The following TNFRSF21 variants were observed in gnomAD, a reference collection of about 807,000 sequenced individuals.
The protein encoded by TNFRSF21 is tumor necrosis factor receptor superfamily member 21.
TNFRSF21 carries 19 observed loss-of-function variants against 45.6 expected under a neutral mutation model. That is an observed-to-expected ratio of 0.42 (90% confidence interval 0.29 to 0.61). The LOEUF (loss-of-function observed/expected upper bound fraction) is 0.61. Among genes scored for constraint, TNFRSF21 ranks in the 20% least tolerant of loss-of-function variants. The probability of loss-of-function intolerance (pLI) is 0.23; values close to 1 mark genes in which losing one functional copy is unlikely to be tolerated. For synonymous variants in TNFRSF21, 314 were observed against 335.5 expected, an observed-to-expected ratio of 0.94 and a Z score of 0.70; for missense variants, 737 against 851.5, an observed-to-expected ratio of 0.87 and a Z score of 1.67.
chr6:47,277,652 A>G (rs1762516797), intron 3 of TNFRSF21, among the ~76,000 whole-genome samples: 1 of 152,228 alleles, frequency 6.6e-6, no homozygotes, highest in African/African-American at 2.4e-5. Flanking sequence ...AAGCAAAGGG[A>G]AACCAGACTC....
intron 1 of TNFRSF21, among the ~76,000 whole-genome samples, chr6:47,297,777 C>T (rs1762811785): frequency 6.6e-6 from 1 of 152,138 alleles, no homozygotes. Context: ...CCTGCCTCGG[C>T]CTCCCAAAAT....
intron 1 of TNFRSF21, among the ~76,000 whole-genome samples, chr6:47,290,771 G>A (rs1032591506): frequency 5.9e-5 from 9 of 152,184 alleles, no homozygotes; most frequent in African/African-American, 1.9e-4. Context: ...GTCGGGCCCA[G>A]GCTGAACACT....
intron 3 of TNFRSF21, among the ~76,000 whole-genome samples, chr6:47,283,659 TCAAA>T (rs1762600674): frequency 6.6e-6 from 1 of 152,150 alleles, no homozygotes; most frequent in Admixed American, 6.5e-5. Flanking sequence ...AATGACAAGG[TCAAA>T]CAAAGTCCCT....
intron 4 of TNFRSF21, among the ~76,000 whole-genome samples, chr6:47,245,950 C>T (rs750419319): frequency 1.3e-5 from 2 of 152,172 alleles, no homozygotes; most frequent in Non-Finnish European, 2.9e-5. Flanking sequence ...GTGCCACATG[C>T]TTTCACACAA....
chr6:47,233,219 T>C (rs1263596476), intron 5 of TNFRSF21, among the ~76,000 whole-genome samples: 1 of 152,264 alleles, frequency 6.6e-6, no homozygotes, highest in African/African-American at 2.4e-5. Context: ...AAGATTTGCC[T>C]GGTAGAGATC....
chr6:47,280,720 G>A (rs1317315602), intron 3 of TNFRSF21, among the ~76,000 whole-genome samples: 2 of 152,106 alleles, frequency 1.3e-5, no homozygotes, highest in Admixed American at 6.5e-5. Flanking sequence ...AGGTTACCAT[G>A]GTCATAAGAA....
intron 1 of TNFRSF21, among the ~76,000 whole-genome samples, chr6:47,299,917 G>C (rs1004768367): frequency 2.6e-5 from 4 of 152,180 alleles, no homozygotes; most frequent in Non-Finnish European, 4.4e-5. Flanking sequence ...TGCAGCAAAA[G>C]CCATAAAACT....
At chr6:47,284,652 C>T (rs998525584) in intron 2 of TNFRSF21, among the ~76,000 whole-genome samples, 3 of 152,190 alleles carry the variant, frequency 2.0e-5, no homozygotes, top group African/African-American at 7.2e-5. Context: ...CACATTCTTA[C>T]ACCAAAACCA....
chr6:47,277,057 G>A (rs950413526), intron 3 of TNFRSF21, among the ~76,000 whole-genome samples: 8 of 152,204 alleles, frequency 5.3e-5, no homozygotes, highest in East Asian at 1.9e-4. Context: ...ACAGTGGCAC[G>A]ATCTTGGCTC....
intron 3 of TNFRSF21, among the ~76,000 whole-genome samples, chr6:47,272,598 T>C (rs1010424411): frequency 2.0e-4 from 31 of 151,766 alleles, no homozygotes; most frequent in Admixed American, 5.9e-4. Flanking sequence ...ACATCACAAT[T>C]AAAAGAACTA....
chr6:47,287,541 T>C (rs1245534067), intron 1 of TNFRSF21, among the ~76,000 whole-genome samples: 1 of 152,124 alleles, frequency 6.6e-6, no homozygotes, highest in Non-Finnish European at 1.5e-5. Context: ...TGTAAAATAC[T>C]TTGTTTAGCT....
intron 1 of TNFRSF21, among the ~76,000 whole-genome samples, chr6:47,301,861 C>A (rs989262368): frequency 2.6e-5 from 4 of 152,138 alleles, no homozygotes; most frequent in African/African-American, 9.7e-5. Flanking sequence ...TTGGGTATTC[C>A]TTTATAGCAT....
At chr6:47,282,687 A>T (rs929392508) in intron 3 of TNFRSF21, among the ~76,000 whole-genome samples, 1 of 152,216 alleles carries the variant, frequency 6.6e-6, no homozygotes, top group Non-Finnish European at 1.5e-5. Flanking sequence ...ATTTCCATTC[A>T]GTCTTATTCT....
intron 3 of TNFRSF21, among the ~76,000 whole-genome samples, chr6:47,255,047 G>A (rs1171340899): frequency 6.6e-6 from 1 of 152,160 alleles, no homozygotes; most frequent in African/African-American, 2.4e-5. Flanking sequence ...TGAAGGAAAT[G>A]CCTTGGCTTA....
rs193104449 is a variant in TNFRSF21, at chr6:47,307,036, T to C, written c.96+2380A>G. Among the ~76,000 whole-genome samples, 622 of 152,288 alleles carry C rather than the reference T, an allele frequency of 4.1e-3. 6 individuals carry two copies. Among genetic ancestry groups the C allele is most frequent in the African/African-American group, 0.014 (586 of 41,558 alleles). On this transcript the variant is annotated intron_variant, in intron 1 of 5. Coordinates refer to ENST00000296861, the MANE Select transcript of TNFRSF21 (RefSeq NM_014452.5). Reference sequence around the variant, plus strand: ...TCATTTTATACATTAACAAAGCCTGTGCTGTGGACTTGGGCATGCAGAATA... The same window carrying C: ...TCATTTTATACATTAACAAAGCCTGCGCTGTGGACTTGGGCATGCAGAATA...
intron 4 of TNFRSF21, among the ~76,000 whole-genome samples, chr6:47,235,801 G>A (rs941789678): frequency 6.6e-6 from 1 of 152,160 alleles, no homozygotes; most frequent in Non-Finnish European, 1.5e-5. Context: ...TGGCTAGGAG[G>A]AGAGTAATGA....
intron 1 of TNFRSF21, among the ~76,000 whole-genome samples, chr6:47,308,774 A>G (rs1214497914): frequency 6.6e-6 from 1 of 152,182 alleles, no homozygotes; most frequent in African/African-American, 2.4e-5. Flanking sequence ...GAGTGGGTCT[A>G]AGGGTGATAT....
At chr6:47,304,275 C>T (rs999429159) in intron 1 of TNFRSF21, among the ~76,000 whole-genome samples, 2 of 142,286 alleles carry the variant, frequency 1.4e-5, no homozygotes, top group Admixed American at 7.3e-5. Context: ...CGGATCATTT[C>T]GTGTCACCAA....
chr6:47,255,276 A>AG (rs1353944472), intron 3 of TNFRSF21, among the ~76,000 whole-genome samples: 1 of 152,142 alleles, frequency 6.6e-6, no homozygotes, highest in African/African-American at 2.4e-5. Context: ...ACCGTTCGTG[A>AG]GGGGAGGCTC....
Sources: allele counts gnomAD v4.1 joint callset (sites outside exome capture counted in the v4.1 genomes callset), GRCh38; gene constraint gnomAD v4.1.1; transcripts MANE v1.5; gene names NCBI Gene and HGNC (gene_info 2026-07-23, HGNC 2026-07-21).